The following KHDC1 variants were observed in gnomAD, a reference collection of about 807,000 sequenced individuals.
KHDC1 encodes the protein KH domain containing 1.
KHDC1 carries 21 observed loss-of-function variants against 24.7 expected under a neutral mutation model. That is an observed-to-expected ratio of 0.85 (90% CI 0.60 to 1.23). The LOEUF (loss-of-function observed/expected upper bound fraction) is 1.23, where lower values mean the gene tolerates loss of function less well. Among genes scored for constraint, KHDC1 ranks in the 50% most tolerant of loss-of-function variants. The probability of loss-of-function intolerance (pLI) is 0.00; values close to 1 mark genes in which losing one functional copy is unlikely to be tolerated. For synonymous variants in KHDC1, 98 were observed against 111.7 expected (o/e 0.88, Z 0.77); for missense variants, 274 against 298.5 (o/e 0.92, Z 0.61).
intron 2 of KHDC1, among the ~76,000 whole-genome samples, chr6:73,266,839 AT>A (rs1272069170): frequency 4.6e-5 from 7 of 152,368 alleles, no homozygotes; most frequent in Middle Eastern, 3.4e-3. Context: ...TGAGAAAAAA[AT>A]ATTTGCAAAT....
At chr6:73,244,350 G>A (rs1189805176) in intron 2 of KHDC1, among the ~76,000 whole-genome samples, 1 of 151,998 alleles carries the variant, frequency 6.6e-6, no homozygotes, top group East Asian at 1.9e-4. Flanking sequence ...TGAAGGCTGG[G>A]GAGTTACTGA....
At chr6:73,244,928 TTAAAA>T (rs766787941) in intron 2 of KHDC1, among the ~76,000 whole-genome samples, 1 of 152,120 alleles carries the variant, frequency 6.6e-6, no homozygotes, top group Non-Finnish European at 1.5e-5. Context: ...ACCCTGTCTC[TTAAAA>T]TATGATAAAA....
chr6:73,241,320 T>C (rs1223214560), exon 5 of KHDC1: 4 of 543,144 alleles, frequency 7.4e-6, no homozygotes, highest in Non-Finnish European at 6.6e-6. Flanking sequence ...AGGCTTTGCA[T>C]CATAGGTAGC....
At chr6:73,252,504 CTG>C (rs1360634438) in intron 2 of KHDC1, among the ~76,000 whole-genome samples, 2 of 152,060 alleles carry the variant, frequency 1.3e-5, no homozygotes, top group Non-Finnish European at 2.9e-5. Context: ...GGCATGAAGT[CTG>C]TGTCAAAACT....
chr6:73,272,233 G>A (rs913858157), intron 2 of KHDC1, among the ~76,000 whole-genome samples: 32 of 151,578 alleles, frequency 2.1e-4, no homozygotes, highest in Admixed American at 1.9e-3. Flanking sequence ...GAGCGATCTC[G>A]GCTCACTGCA....
chr6:73,288,081 A>T (rs924789472), intron 2 of KHDC1, among the ~76,000 whole-genome samples: 1 of 152,186 alleles, frequency 6.6e-6, no homozygotes, highest in African/African-American at 2.4e-5. Context: ...GACCTAAAGG[A>T]TAGAGTTAGT....
chr6:73,298,061 C>A (rs1183521085), intron 1 of KHDC1, among the ~76,000 whole-genome samples: 3 of 151,982 alleles, frequency 2.0e-5, no homozygotes, highest in Non-Finnish European at 4.4e-5. Flanking sequence ...CATGGTGGGG[C>A]ATGCCCGTAT....
chr6:73,250,864 G>A (rs57169675), intron 2 of KHDC1, among the ~76,000 whole-genome samples: 3,138 of 151,948 alleles, frequency 0.021, 104 homozygotes, highest in African/African-American at 0.072. Context: ...TTTTGAAATC[G>A]AGTCTCGCTC....
chr6:73,285,238 A>C (rs770858975), intron 2 of KHDC1, among the ~76,000 whole-genome samples: 7 of 152,162 alleles, frequency 4.6e-5, no homozygotes, highest in Non-Finnish European at 1.0e-4. Context: ...ATCATCTTTT[A>C]AAGTCTTGGC....
intron 2 of KHDC1, among the ~76,000 whole-genome samples, chr6:73,247,950 A>C (rs1766698670): frequency 6.6e-6 from 1 of 152,032 alleles, no homozygotes; most frequent in African/African-American, 2.4e-5. Context: ...TCCCTCAGTC[A>C]AAAAGCAGGG....
At chr6:73,272,715 G>T (rs1003178568) in intron 2 of KHDC1, among the ~76,000 whole-genome samples, 3 of 151,126 alleles carry the variant, frequency 2.0e-5, no homozygotes, top group South Asian at 2.1e-4. Context: ...GGCAGAGGTT[G>T]CAGTGAGCCG....
At chr6:73,243,020 G>A (rs915127125) in intron 2 of KHDC1, among the ~76,000 whole-genome samples, 3 of 152,138 alleles carry the variant, frequency 2.0e-5, no homozygotes, top group Non-Finnish European at 2.9e-5. Context: ...ACAGAAGAAT[G>A]TTGTAGGGAG....
At chr6:73,302,136 A>G (rs1399241256) in intron 1 of KHDC1, among the ~76,000 whole-genome samples, 1 of 152,032 alleles carries the variant, frequency 6.6e-6, no homozygotes, top group African/African-American at 2.4e-5. Context: ...AAAAAATACA[A>G]AAATTAACTG....
chr6:73,288,821 AAAAG>A (rs1413715680), intron 2 of KHDC1, among the ~76,000 whole-genome samples: 4 of 151,706 alleles, frequency 2.6e-5, no homozygotes, highest in Non-Finnish European at 4.4e-5. Context: ...AAAAAAAAAA[AAAAG>A]GTAATTACTG....
At chr6:73,257,733 T>A (rs989350084) in intron 2 of KHDC1, among the ~76,000 whole-genome samples, 12 of 151,990 alleles carry the variant, frequency 7.9e-5, no homozygotes, top group Non-Finnish European at 1.5e-4. Flanking sequence ...CTTTAAATAG[T>A]TAAGAGCAAC....
At chr6:73,282,961 G>T (rs768427183) in intron 2 of KHDC1, among the ~76,000 whole-genome samples, 1 of 152,118 alleles carries the variant, frequency 6.6e-6, no homozygotes, top group Non-Finnish European at 1.5e-5. Flanking sequence ...ATTACAATTC[G>T]CCTGTCTTTA....
chr6:73,292,024 G>T, exon 2 of KHDC1: 2 of 1,613,910 alleles, frequency 1.2e-6, no homozygotes, highest in Non-Finnish European at 1.7e-6. Context: ...TAGTCTTTCC[G>T]CTCCTTGAGT....
chr6:73,284,063 G>T (rs1245701300), intron 2 of KHDC1, among the ~76,000 whole-genome samples: 1 of 151,818 alleles, frequency 6.6e-6, no homozygotes, highest in Non-Finnish European at 1.5e-5. Flanking sequence ...TTAATTTCTA[G>T]TTTAACTTTA....
At chr6:73,286,882 C>CAAA (rs34820901) in intron 2 of KHDC1, among the ~76,000 whole-genome samples, 55 of 141,682 alleles carry the variant, frequency 3.9e-4, no homozygotes, top group East Asian at 3.1e-3. Context: ...GACTCTGTCT[C>CAAA]AAAAAAAAAA....
Sources: gnomAD v4.1 joint callset for allele counts (sites outside exome capture counted in the v4.1 genomes callset) on GRCh38, gnomAD v4.1.1 for gene constraint, MANE v1.5 for transcripts, NCBI Gene and HGNC (gene_info 2026-07-23, HGNC 2026-07-21) for gene names.